Variants in CDH9 observed in about 807,000 individuals in gnomAD.
CDH9 encodes the protein cadherin-9.
CDH9 carries 28 observed loss-of-function variants against 70.9 expected under a neutral mutation model. That is an observed-to-expected ratio of 0.40 (90% CI 0.29 to 0.54). CDH9 has a LOEUF of 0.54. CDH9 is among the 20% of genes least tolerant of loss of function. The probability of loss-of-function intolerance (pLI) is 0.59; values close to 1 mark genes in which losing one functional copy is unlikely to be tolerated. For synonymous variants in CDH9, 409 were observed against 343.1 expected, an observed-to-expected ratio of 1.19 and a Z score of -2.12; for missense variants, 874 against 984.4, an observed-to-expected ratio of 0.89 and a Z score of 1.50.
intron 9 of CDH9, 101 bp from the exon 10 acceptor site, chr5:26,886,184 G>T: frequency 7.7e-7 from 1 of 1,304,582 alleles, no homozygotes; most frequent in Non-Finnish European, 1.0e-6. Context: ...AATACATCAC[G>T]AAAACAAAGC....
intron 7 of CDH9, among the ~76,000 whole-genome samples, chr5:26,901,538 A>C (rs746181801): frequency 1.3e-5 from 2 of 151,942 alleles, no homozygotes; most frequent in Non-Finnish European, 2.9e-5. Context: ...TTAATATGCT[A>C]TATGTAAAGG....
intron 1 of CDH9, among the ~76,000 whole-genome samples, chr5:27,020,875 G>C (rs997686798): frequency 1.3e-5 from 2 of 151,560 alleles, no homozygotes; most frequent in Non-Finnish European, 3.0e-5. Context: ...TGGATAAATA[G>C]TATTTTAAAA....
At chr5:26,921,271 C>G (rs181153920) in intron 2 of CDH9, among the ~76,000 whole-genome samples, 225 of 152,150 alleles carry the variant, frequency 1.5e-3, no homozygotes, top group African/African-American at 5.2e-3. Flanking sequence ...ATTACTCACT[C>G]TGTAGTTAAC....
intron 1 of CDH9, among the ~76,000 whole-genome samples, chr5:27,014,961 G>A (rs936152441): frequency 8.6e-5 from 13 of 151,794 alleles, no homozygotes; most frequent in South Asian, 6.2e-4. Context: ...GATAAATAAC[G>A]GACCAAAAGT....
chr5:26,968,917 C>G (rs1441528682), intron 2 of CDH9, among the ~76,000 whole-genome samples: 1 of 152,186 alleles, frequency 6.6e-6, no homozygotes, highest in African/African-American at 2.4e-5. Context: ...TTGATCCCAT[C>G]TGTCCTCACC....
At chr5:26,986,907 G>A (rs1426329111) in intron 2 of CDH9, among the ~76,000 whole-genome samples, 1 of 151,904 alleles carries the variant, frequency 6.6e-6, no homozygotes, top group Non-Finnish European at 1.5e-5. Context: ...CATGACCTAT[G>A]GAACCAGAAA....
intron 2 of CDH9, among the ~76,000 whole-genome samples, chr5:26,959,309 C>T (rs1398258143): frequency 1.3e-5 from 2 of 151,950 alleles, no homozygotes; most frequent in African/African-American, 4.8e-5. Flanking sequence ...ATTGAGATAC[C>T]ACTCCACAGT....
At chr5:26,890,754 T>C in intron 7 of CDH9, 190 bp from the exon 8 acceptor site, 1 of 553,274 alleles carries the variant, frequency 1.8e-6, no homozygotes, top group Non-Finnish European at 3.2e-6. Flanking sequence ...TCTTTCTACT[T>C]ACTATATTAT....
At chr5:26,980,388 T>C (rs1328446881) in intron 2 of CDH9, among the ~76,000 whole-genome samples, 2 of 151,956 alleles carry the variant, frequency 1.3e-5, no homozygotes, top group Non-Finnish European at 2.9e-5. Context: ...CGAATTAGAA[T>C]ATTTACTGAG....
intron 2 of CDH9, among the ~76,000 whole-genome samples, chr5:26,948,722 G>T (rs551491658): frequency 1.3e-5 from 2 of 152,310 alleles, no homozygotes; most frequent in South Asian, 4.1e-4. Flanking sequence ...ATACCACAGT[G>T]CTTATTATAG....
intron 7 of CDH9, among the ~76,000 whole-genome samples, chr5:26,896,622 A>G (rs932064609): frequency 1.3e-5 from 2 of 148,818 alleles, no homozygotes; most frequent in Non-Finnish European, 3.0e-5. Context: ...TGAAACCTAT[A>G]AGAACAAAGA....
intron 5 of CDH9, among the ~76,000 whole-genome samples, chr5:26,904,179 T>A (rs1364468680): frequency 1.4e-5 from 2 of 147,272 alleles, no homozygotes; most frequent in Admixed American, 6.8e-5. Flanking sequence ...GTCATCACAC[T>A]TTTTTTTTTA....
At chr5:26,978,313 G>A (rs1278960294) in intron 2 of CDH9, among the ~76,000 whole-genome samples, 1 of 151,748 alleles carries the variant, frequency 6.6e-6, no homozygotes, top group African/African-American at 2.4e-5. Context: ...GGAAGTACAT[G>A]GGAAATGCCA....
At chr5:26,982,888 T>C (rs1330107791) in intron 2 of CDH9, among the ~76,000 whole-genome samples, 3 of 151,990 alleles carry the variant, frequency 2.0e-5, no homozygotes, top group African/African-American at 4.8e-5. Context: ...GGTTTCACCA[T>C]CTTGGCAAGG....
intron 6 of CDH9, chr5:26,903,065 G>C (rs529177735): frequency 6.9e-4 from 138 of 198,718 alleles, no homozygotes; most frequent in African/African-American, 3.2e-3. Flanking sequence ...ATAATCAGAA[G>C]AAAAATATAA....
chr5:26,937,025 T>C (rs1446746215), intron 2 of CDH9, among the ~76,000 whole-genome samples: 1 of 152,110 alleles, frequency 6.6e-6, no homozygotes, highest in Non-Finnish European at 1.5e-5. Flanking sequence ...AAAGAAAAAT[T>C]GGTAAATTGA....
intron 1 of CDH9, among the ~76,000 whole-genome samples, chr5:27,033,931 T>A (rs2112138500): frequency 6.6e-6 from 1 of 151,696 alleles, no homozygotes; most frequent in African/African-American, 2.4e-5. Flanking sequence ...TGGATTACAC[T>A]TTGTTATATG....
At chr5:26,951,588 T>C (rs947515246) in intron 2 of CDH9, among the ~76,000 whole-genome samples, 2 of 152,208 alleles carry the variant, frequency 1.3e-5, no homozygotes, top group African/African-American at 2.4e-5. Context: ...CCCATCTTAC[T>C]TGGGGACCTG....
At chr5:27,033,489 C>T (rs1371117564) in intron 1 of CDH9, among the ~76,000 whole-genome samples, 1 of 151,320 alleles carries the variant, frequency 6.6e-6, no homozygotes, top group African/African-American at 2.4e-5. Flanking sequence ...GATAGACAGA[C>T]AGACAGACAG....
Sources: allele counts gnomAD v4.1 joint callset (sites outside exome capture counted in the v4.1 genomes callset), GRCh38; gene constraint gnomAD v4.1.1; transcripts MANE v1.5; gene names NCBI Gene and HGNC (gene_info 2026-07-23, HGNC 2026-07-21).